CADPS2: variants seen among roughly 807,000 people sequenced by gnomAD.
CADPS2 encodes the protein calcium dependent secretion activator 2, also known as calcium-dependent secretion activator 2.
Under a neutral mutation model 172.5 loss-of-function variants are expected in CADPS2, and 93 were observed. The observed-to-expected ratio is 0.54, with a 90% confidence interval of 0.46 to 0.64. CADPS2 has a LOEUF of 0.64. Ranked by LOEUF, CADPS2 falls within the 30% of genes least tolerant of loss-of-function variation. The pLI, the probability that CADPS2 is intolerant of heterozygous loss-of-function variation, is 0.00. For missense variants in CADPS2, 1,420 were observed against 1,565.9 expected (o/e 0.91, Z 1.57); for synonymous variants, 546 against 555.2 (o/e 0.98, Z 0.23).
chr7:122,442,084 C>A (rs1441677646), intron 15 of CADPS2, among the ~76,000 whole-genome samples: 1 of 152,174 alleles, frequency 6.6e-6, no homozygotes, highest in African/African-American at 2.4e-5. Context: ...CATAAACCCT[C>A]TGCAGTTCTT....
intron 3 of CADPS2, among the ~76,000 whole-genome samples, chr7:122,638,360 C>A (rs1453806592): frequency 1.3e-5 from 2 of 152,170 alleles, no homozygotes; most frequent in African/African-American, 4.8e-5. Context: ...AAGTTAGGAG[C>A]AGGGTGAAGT....
At chr7:122,725,779 G>C (rs2091020243) in intron 2 of CADPS2, among the ~76,000 whole-genome samples, 1 of 151,806 alleles carries the variant, frequency 6.6e-6, no homozygotes, top group Non-Finnish European at 1.5e-5. Flanking sequence ...AGGATACAGA[G>C]AGACACCATG....
intron 2 of CADPS2, among the ~76,000 whole-genome samples, chr7:122,708,273 T>C (rs573949384): frequency 3.3e-5 from 5 of 151,770 alleles, no homozygotes; most frequent in East Asian, 3.9e-4. Flanking sequence ...TTGAATTAAA[T>C]TGATAGCGTC....
At chr7:122,701,791 T>C in intron 2 of CADPS2, 1 of 1,269,906 alleles carries the variant, frequency 7.9e-7, no homozygotes, top group Admixed American at 2.2e-5. Flanking sequence ...TCTTTGTATT[T>C]GGAAAGATCT....
At chr7:122,443,043 TC>T (rs1019584553) in intron 15 of CADPS2, among the ~76,000 whole-genome samples, 2 of 152,192 alleles carry the variant, frequency 1.3e-5, no homozygotes, top group Non-Finnish European at 2.9e-5. Flanking sequence ...TGTAGTCCCC[TC>T]CCCCTGCTTA....
intron 11 of CADPS2, among the ~76,000 whole-genome samples, chr7:122,483,376 A>C (rs915191335): frequency 6.6e-6 from 1 of 152,200 alleles, no homozygotes; most frequent in Non-Finnish European, 1.5e-5. Flanking sequence ...AAAGAAAAAT[A>C]TCTTCAAAAT....
In CADPS2 at chr7:122,474,535, C is replaced by T. The variant is rs1466264454; in HGVS notation, c.1862-18G>A. 3 of 1,608,048 alleles carry T rather than the reference C, an allele frequency of 1.9e-6. No individual in the cohort carries two copies. ...ATCTGCATCTGTAAATTCAGGAAAG[C>T]ATGTACAGTATATTTACTTTTCAGG... On this transcript the variant is annotated intron_variant, in intron 12 of 29. Transcript: ENST00000449022.
At chr7:122,595,438 A>G (rs1192273684) in intron 6 of CADPS2, among the ~76,000 whole-genome samples, 1 of 152,090 alleles carries the variant, frequency 6.6e-6, no homozygotes, top group Admixed American at 6.6e-5. Context: ...GTTTTGCTTT[A>G]CATTTTCTTA....
rs539776604 is a variant in CADPS2, at chr7:122,583,202, C to G, written c.1224-1912G>C. 2.6e-5 allele frequency among the ~76,000 whole-genome samples: 4 copies of G among 152,078 alleles called. No homozygotes were observed. The South Asian group carries it at 8.3e-4, about 31-fold the overall frequency. ...TTCTACAATATTTATCACCATAGCA[C>G]ATTTCTCATTTATGCATTAAAATAT... On this transcript the variant is annotated intron_variant, in intron 6 of 29. Coordinates refer to ENST00000449022, the MANE Select transcript of CADPS2 (RefSeq NM_017954.11).
intron 15 of CADPS2, among the ~76,000 whole-genome samples, chr7:122,447,222 C>A (rs1229798379): frequency 2.0e-5 from 3 of 151,804 alleles, no homozygotes; most frequent in African/African-American, 7.3e-5. Flanking sequence ...ACTTTCCATG[C>A]CTTGCTCAAT....
intron 1 of CADPS2, among the ~76,000 whole-genome samples, chr7:122,833,050 AAAAG>A: frequency 6.6e-6 from 1 of 152,328 alleles, no homozygotes; most frequent in South Asian, 2.1e-4. Flanking sequence ...TAGGGAGGAA[AAAAG>A]ATAGATTCAC....
At chr7:122,801,914 A>G (rs1797749325) in intron 1 of CADPS2, among the ~76,000 whole-genome samples, 1 of 152,136 alleles carries the variant, frequency 6.6e-6, no homozygotes, top group Non-Finnish European at 1.5e-5. Flanking sequence ...AAAAACTATT[A>G]GAATTGATAA....
At chr7:122,559,319 G>A (rs907700185) in intron 7 of CADPS2, among the ~76,000 whole-genome samples, 1 of 152,060 alleles carries the variant, frequency 6.6e-6, no homozygotes, top group Non-Finnish European at 1.5e-5. Context: ...ATTACTCTAG[G>A]TTCTCAAGCT....
rs565887664 is a variant in CADPS2, at chr7:122,663,281, C to G, written c.742G>C (p.Gly248Arg). The G allele has an allele frequency of 3.7e-6, 6 of 1,613,680 alleles. No homozygotes were observed. Among genetic ancestry groups the G allele is most frequent in the Non-Finnish European group, 5.1e-6 (6 of 1,179,780 alleles). ...AGCTGGTGTTCCAGTTTTTTAATAC[C>G]CAGAATCTGCTGAAACATTTCATAG... Reference protein sequence around the residue: ...QLYEMFQQILGIKKLEHQLLY... With the variant: ...QLYEMFQQILRIKKLEHQLLY... The change falls in exon 3 of 30, where the codon GGT becomes CGT. Residue 248 changes from glycine (G) to arginine (R), a missense_variant. Coordinates refer to ENST00000449022, the MANE Select transcript of CADPS2 (RefSeq NM_017954.11).
At chr7:122,841,711 T>C (rs74651864) in intron 1 of CADPS2, among the ~76,000 whole-genome samples, 392 of 152,282 alleles carry the variant, frequency 2.6e-3, no homozygotes, top group Non-Finnish European at 4.6e-3. Flanking sequence ...ATTAAATAAC[T>C]AAAGAAAACG....
At chr7:122,500,642 T>C (rs1020056309) in intron 9 of CADPS2, among the ~76,000 whole-genome samples, 1 of 152,100 alleles carries the variant, frequency 6.6e-6, no homozygotes, top group African/African-American at 2.4e-5. Flanking sequence ...GATACACAGA[T>C]AGCTATGATG....
chr7:122,774,920 A>G (rs958149135), intron 1 of CADPS2, among the ~76,000 whole-genome samples: 2 of 152,112 alleles, frequency 1.3e-5, no homozygotes, highest in African/African-American at 4.8e-5. Flanking sequence ...ATAACCACTC[A>G]AGCTTTTTGA....
At chr7:122,669,018 T>A (rs948833576) in intron 2 of CADPS2, among the ~76,000 whole-genome samples, 1 of 152,154 alleles carries the variant, frequency 6.6e-6, no homozygotes, top group South Asian at 2.1e-4. Flanking sequence ...ACAGAGCCTG[T>A]CCTTTAGTGA....
intron 3 of CADPS2, among the ~76,000 whole-genome samples, chr7:122,640,653 T>C (rs2471200): frequency 0.74 from 111,819 of 151,998 alleles, 41,619 homozygotes; most frequent in Middle Eastern, 0.91. Flanking sequence ...TATTGTTGGC[T>C]GGGCGCGGTG....
Sources: allele counts gnomAD v4.1 joint callset (sites outside exome capture counted in the v4.1 genomes callset), GRCh38; gene constraint gnomAD v4.1.1; transcripts MANE v1.5; gene names NCBI Gene and HGNC (gene_info 2026-07-23, HGNC 2026-07-21).